Variants in SYT12 observed in about 807,000 individuals in gnomAD.
SYT12 encodes the protein synaptotagmin 12.
Under a neutral mutation model 39.5 loss-of-function variants are expected in SYT12, and 27 were observed. The observed-to-expected ratio is 0.68, with a 90% CI of 0.50 to 0.94. The LOEUF (loss-of-function observed/expected upper bound fraction) is 0.94. Among genes scored for constraint, SYT12 ranks in the 40% least tolerant of loss-of-function variants. The pLI, the probability that SYT12 is intolerant of heterozygous loss-of-function variation, is 0.00. For missense variants in SYT12, 536 were observed against 572.6 expected (o/e 0.94, Z 0.65); for synonymous variants, 233 against 239.7 (o/e 0.97, Z 0.26).
intron 3 of SYT12, among the ~76,000 whole-genome samples, chr11:67,013,130 G>A (rs1438470163): frequency 6.6e-6 from 1 of 152,198 alleles, no homozygotes; most frequent in Non-Finnish European, 1.5e-5. Context: ...AGAGTGGGGA[G>A]GAGCAGCTCA....
intron 3 of SYT12, among the ~76,000 whole-genome samples, chr11:67,035,734 G>A (rs1321381217): frequency 1.3e-5 from 2 of 151,700 alleles, no homozygotes; most frequent in Non-Finnish European, 1.5e-5. Flanking sequence ...TGGGATTACA[G>A]ACGTGAGCCA....
rs965680565 is a variant in SYT12 at position 67,030,070 on chromosome 11, C to A, written c.-23-52C>A. 7.6e-6 allele frequency: 12 copies of A among 1,568,804 alleles called. No homozygotes were observed. In the South Asian group the frequency reaches 1.2e-4, roughly 16 times the overall value. Reference sequence around the variant, plus strand: ...GTGCCAGGAGGCCAGGACCTAGGAGCGGGACGCTGACTCTCTGCAGCCCTC... The same window carrying A: ...GTGCCAGGAGGCCAGGACCTAGGAGAGGGACGCTGACTCTCTGCAGCCCTC... On this transcript the variant is annotated intron_variant, in intron 1 of 7. Transcript: ENST00000527043.
chr11:67,037,064 A>G (rs1319427098), intron 3 of SYT12, among the ~76,000 whole-genome samples: 1 of 152,148 alleles, frequency 6.6e-6, no homozygotes, highest in Non-Finnish European at 1.5e-5. Flanking sequence ...ACAAGAGCAA[A>G]ACTCTGTCTC....
At chr11:67,045,722 T>TCACCTGTC in intron 6 of SYT12, 22 bp from the exon 7 acceptor site, 2 of 1,611,368 alleles carry the variant, frequency 1.2e-6, no homozygotes, top group Admixed American at 1.7e-5. Context: ...ACACTGGCCC[T>TCACCTGTC]CACCTGTCCG....
intron 3 of SYT12, among the ~76,000 whole-genome samples, chr11:67,038,648 G>A (rs1212570945): frequency 6.6e-6 from 1 of 152,032 alleles, no homozygotes; most frequent in African/African-American, 2.4e-5. Flanking sequence ...CACTGCAATC[G>A]ACAACTTGAT....
intron 1 of SYT12, among the ~76,000 whole-genome samples, chr11:67,008,136 T>G (rs1319111718): frequency 6.6e-5 from 10 of 151,948 alleles, no homozygotes; most frequent in Non-Finnish European, 1.5e-5. Context: ...GTATTTTTAG[T>G]AGAGACAGGG....
intron 2 of SYT12, chr11:67,031,928 T>C (rs1289384106): frequency 1.3e-5 from 2 of 152,260 alleles, no homozygotes; most frequent in Admixed American, 6.5e-5. Context: ...ACTCCCAGAA[T>C]ACACCAAGCC....
chr11:67,021,811 G>C (rs1013497268), upstream of SYT12: 5 of 152,172 alleles, frequency 3.3e-5, no homozygotes, highest in Non-Finnish European at 7.3e-5. Context: ...AAAGCTCAGG[G>C]CCCATTACCC....
At chr11:67,043,504 A>T in intron 4 of SYT12, 134 bp from the exon 5 acceptor site, 2 of 813,326 alleles carry the variant, frequency 2.5e-6, no homozygotes, top group East Asian at 2.5e-5. Context: ...CCACCAAAGG[A>T]AAGATTGGCA....
chr11:67,044,120 A>C (rs935349504), intron 5 of SYT12, among the ~76,000 whole-genome samples: 3 of 152,168 alleles, frequency 2.0e-5, no homozygotes, highest in Non-Finnish European at 2.9e-5. Context: ...TGCTAGAGAA[A>C]CATTCCTCTA....
chr11:67,014,461 G>T (rs1950037354), intron 3 of SYT12, among the ~76,000 whole-genome samples: 1 of 152,240 alleles, frequency 6.6e-6, no homozygotes, highest in East Asian at 1.9e-4. Context: ...AGATCCAAGG[G>T]CTGGCTTCCC....
rs189266043 is a variant in SYT12 at position 67,034,587 on chromosome 11, C to T, written c.35-58C>T. 4,708 of 1,499,702 alleles carry T rather than the reference C, an allele frequency of 3.1e-3. 17 individuals are homozygous for T. The highest frequency in any genetic ancestry group is 4.4e-3 in the Middle Eastern group (20 of 4,504). The allele number at this position is 1,499,702 out of a possible 1,614,324, so 92.9% of individuals were successfully genotyped here. ...CAATGTAGAAGTCGGTGCTGCTCCC[C>T]GGGTGGGGGTCTGTATCCACTAGGA... On this transcript the variant is annotated intron_variant, in intron 2 of 7. Transcript: ENST00000527043.
rs191797129 is a variant in SYT12, at chr11:67,008,625, A to T, written c.-485+1170A>T. On this transcript the variant is annotated intron_variant, in intron 1 of 10. Transcript: ENST00000393946. ...GAGTGCAATGGCATGAGCTCGGCTC[A>T]CTGCAACCTCCACCGCCTGGGTTCA... Among the ~76,000 whole-genome samples the T allele has an allele frequency of 2.0e-3, 301 of 151,910 alleles. 1 individual carries two copies. Among genetic ancestry groups the T allele is most frequent in the African/African-American group, 7.0e-3 (289 of 41,442 alleles).
At position 67,046,340 on chromosome 11, in the gene SYT12, G is replaced by A. The variant is rs1404453676; in HGVS notation, c.1092+463G>A. 1.3e-5 allele frequency among the ~76,000 whole-genome samples: 2 copies of A among 152,234 alleles called. 1 individual carries two copies. Among genetic ancestry groups the A allele is most frequent in the Admixed American group, 1.3e-4 (2 of 15,280 alleles). ...GCTCCAGGGAGACCTCTCCCAGCAG[G>A]GACATCACAGACCACGGGTGGGGCT... On this transcript the variant is annotated intron_variant, in intron 7 of 7. Transcript: ENST00000527043.
intron 3 of SYT12, among the ~76,000 whole-genome samples, chr11:67,036,748 C>T (rs1950389198): frequency 6.6e-6 from 1 of 150,792 alleles, no homozygotes; most frequent in African/African-American, 2.4e-5. Flanking sequence ...CCAGCCTGGC[C>T]AACATGGTGA....
rs201786852 is a variant in SYT12, at chr11:67,048,623, G to A, written c.1132G>A (p.Asp378Asn). 5.6e-6 allele frequency: 9 copies of A among 1,609,444 alleles called. No homozygotes were observed. The highest frequency in any genetic ancestry group is 4.5e-5 in the East Asian group (2 of 44,706). The part of the protein sequence containing the change: ...LRVTVAESSS[D>N]GRGDNVGHVI... ...CGTGACGGTGGCTGAGAGCAGCAGC[G>A]ACGGCCGTGGGGACAACGTGGGCCA... is the stretch of plus-strand genomic sequence containing the variant. Residue 378 changes from aspartate (D) to asparagine (N), a missense_variant, in exon 8 of 8, where the codon GAC becomes AAC. Physicochemically the swap from Asp to Asn is conservative, Grantham distance 23 (BLOSUM62 1). Transcript: ENST00000527043.
intron 3 of SYT12, among the ~76,000 whole-genome samples, chr11:67,035,084 A>G (rs1051863651): frequency 7.1e-6 from 1 of 140,980 alleles, no homozygotes; most frequent in Admixed American, 7.9e-5. Context: ...ATCTGGGCTC[A>G]CTGCAACCTC....
At chr11:67,016,725 G>A (rs905370135) in intron 3 of SYT12, among the ~76,000 whole-genome samples, 1 of 152,202 alleles carries the variant, frequency 6.6e-6, no homozygotes, top group Non-Finnish European at 1.5e-5. Flanking sequence ...AGCTGAGGGT[G>A]TCTGGGAGCT....
chr11:67,036,120 G>A (rs1169200092), intron 3 of SYT12, among the ~76,000 whole-genome samples: 1 of 151,366 alleles, frequency 6.6e-6, no homozygotes, highest in African/African-American at 2.4e-5. Context: ...GTTTCACCAT[G>A]TTGGCCAGGC....
Sources: allele counts gnomAD v4.1 joint callset (sites outside exome capture counted in the v4.1 genomes callset), GRCh38; gene constraint gnomAD v4.1.1; transcripts MANE v1.5; gene names NCBI Gene and HGNC (gene_info 2026-07-23, HGNC 2026-07-21).